Variants in GTPBP10 observed in about 807,000 individuals in gnomAD.
GTPBP10 encodes GTP binding protein 10.
A neutral mutation model predicts 44.8 loss-of-function variants in GTPBP10; 38 were observed. The observed-to-expected ratio is 0.85, with a 90% CI of 0.65 to 1.11. GTPBP10 has a LOEUF of 1.11. Among genes scored for constraint, GTPBP10 ranks in the 50% most tolerant of loss-of-function variants. GTPBP10 has a pLI of 0.00. For missense variants in GTPBP10, 462 were observed against 453.7 expected (o/e 1.02, Z -0.17); for synonymous variants, 152 against 150.6 (o/e 1.01, Z -0.07).
chr7:90,352,831 G>C lies in GTPBP10; in HGVS notation c.49G>C (p.Asp17His). Reference sequence around the variant, plus strand: ...TTTTTTTAAGTATGGAAATTTCATCGATAAGCTAAGACTCTTCACCAGGGG... The same window carrying C: ...TTTTTTTAAGTATGGAAATTTCATCCATAAGCTAAGACTCTTCACCAGGGG... ...VLFRKYGNFI[D>H]KLRLFTRGGS... Residue 17 changes from aspartate to histidine, a missense_variant, in exon 2 of 10, where the codon GAT (aspartate) becomes CAT (histidine). Transcript: ENST00000222511. 1 of 1,585,586 alleles carries C rather than the reference G, an allele frequency of 6.3e-7. No homozygotes were observed. The highest frequency in any genetic ancestry group is 1.2e-5 in the South Asian group (1 of 85,332).
At chr7:90,370,475 T>C (rs1165616858) in intron 4 of GTPBP10, among the ~76,000 whole-genome samples, 1 of 152,014 alleles carries the variant, frequency 6.6e-6, no homozygotes, top group African/African-American at 2.4e-5. Context: ...TTGTCACTTA[T>C]AAGTGGGAGC....
intron 1 of GTPBP10, among the ~76,000 whole-genome samples, chr7:90,347,067 G>A (rs1315083195): frequency 6.6e-6 from 1 of 152,104 alleles, no homozygotes; most frequent in Non-Finnish European, 1.5e-5. Flanking sequence ...TGGCCCAAAT[G>A]TTGTGGTGGT....
intron 4 of GTPBP10, among the ~76,000 whole-genome samples, chr7:90,369,776 G>A (rs551371408): frequency 3.9e-5 from 6 of 152,248 alleles, no homozygotes; most frequent in African/African-American, 1.2e-4. Flanking sequence ...TGTGCTTCCC[G>A]GGTGAAGCAA....
chr7:90,356,405 G>C (rs1030328570), intron 4 of GTPBP10, among the ~76,000 whole-genome samples: 1 of 152,172 alleles, frequency 6.6e-6, no homozygotes, highest in African/African-American at 2.4e-5. Context: ...TTATGGACAA[G>C]ACTGGCAGTC....
At chr7:90,346,905 C>T (rs1387564083) in intron 1 of GTPBP10, 131 bp downstream of exon 1, 16 of 985,610 alleles carry the variant, frequency 1.6e-5, no homozygotes, top group Middle Eastern at 2.1e-4. Context: ...ACTTCTCCGC[C>T]CCTCCTGTAG....
chr7:90,384,602 C>T, intron 9 of GTPBP10, among the ~76,000 whole-genome samples: 1 of 151,234 alleles, frequency 6.6e-6, no homozygotes, highest in Admixed American at 6.6e-5. Context: ...TAACCCCCCC[C>T]ACACACACAA....
In GTPBP10 at chr7:90,389,747, A is replaced by G. The variant is rs1796584823; in HGVS notation, c.*4593A>G. ...TTAATTAAAAGTTAAGCAGTGAAAA[A>G]TAAACATCTTTTTTTCTTAAAGAGA... is the stretch of plus-strand genomic sequence containing the variant. On this transcript the variant is annotated 3_prime_UTR_variant, in exon 10 of 10. Transcript: ENST00000222511. 1.3e-5 allele frequency: 2 copies of G among 152,164 alleles called. No individual in the cohort carries two copies. Among genetic ancestry groups the G allele is most frequent in the South Asian group, 2.1e-4 (1 of 4,824 alleles). The allele number at this position is 152,164 out of a possible 1,614,324, so 9.4% of individuals were successfully genotyped here. A position where few individuals can be genotyped will look rare whatever the true frequency, so the allele number is the denominator to read the frequency against.
rs1309787646 is a variant in GTPBP10 at position 90,382,973 on chromosome 7, A to G, written c.795A>G (p.Lys265=). 3.2e-6 allele frequency: 5 copies of G among 1,577,932 alleles called. No individual in the cohort carries two copies. In the African/African-American group the frequency reaches 6.7e-5, roughly 21 times the overall value. ...ILLTKELELY[K]EELQTKPALL... is the part of the protein sequence containing the mutation. Reference sequence around the variant, plus strand: ...ATTTAAAGGAGTTGGAATTGTACAAAGAGGAACTTCAGACAAAACCTGCAC... The same window carrying G: ...ATTTAAAGGAGTTGGAATTGTACAAGGAGGAACTTCAGACAAAACCTGCAC... Residue 265 remains lysine, a synonymous_variant, in exon 9 of 10, where the codon AAA becomes AAG. Transcript: ENST00000222511.
chr7:90,379,155 T>C (rs1796393954), intron 8 of GTPBP10, among the ~76,000 whole-genome samples: 1 of 152,222 alleles, frequency 6.6e-6, no homozygotes, highest in Admixed American at 6.5e-5. Context: ...GATATACTGA[T>C]TCTTCTCACC....
chr7:90,347,999 G>A lies in GTPBP10; in HGVS notation c.33+1225G>A, dbSNP rs376453772. On this transcript the variant is annotated intron_variant, in intron 1 of 9. Transcript: ENST00000222511. ...TCTTGCTACTTGGGAGGCTGAGGTG[G>A]GAGGATCCCTTAAGGCCAGGAGTTC... Among the ~76,000 whole-genome samples the A allele has an allele frequency of 4.3e-4, 65 of 152,226 alleles. 1 individual carries two copies. Among genetic ancestry groups the A allele is most frequent in the African/African-American group, 1.5e-3 (62 of 41,516 alleles).
In GTPBP10 at chr7:90,385,122, G is replaced by A. The variant is rs773936273; in HGVS notation, c.1132G>A (p.Ala378Thr). The A allele has an allele frequency of 2.0e-5, 32 of 1,609,056 alleles. No individual in the cohort carries two copies. The highest frequency in any genetic ancestry group is 2.6e-5 in the Non-Finnish European group (31 of 1,176,814). ...TTCTACTGAGCCACCATCAAAGCATGCTGTTACTACTTCCAAAATGGATAT... is the reference window on the plus strand; with the variant it reads ...TTCTACTGAGCCACCATCAAAGCATACTGTTACTACTTCCAAAATGGATAT... The part of the protein sequence containing the change: ...MSSTEPPSKH[A>T]VTTSKMDII Residue 378 changes from alanine (A) to threonine (T), a missense_variant, in exon 10 of 10, where the codon GCT becomes ACT. Coordinates refer to ENST00000222511, the MANE Select transcript of GTPBP10 (RefSeq NM_033107.4).
chr7:90,353,082 T>A, intron 2 of GTPBP10, 73 bp downstream of exon 2: 1 of 953,236 alleles, frequency 1.0e-6, no homozygotes, highest in Non-Finnish European at 1.5e-6. Context: ...AGTTACAAAA[T>A]AAAAACTTAA....
At chr7:90,350,188 T>A (rs1055565396) in intron 1 of GTPBP10, among the ~76,000 whole-genome samples, 6 of 152,174 alleles carry the variant, frequency 3.9e-5, no homozygotes, top group African/African-American at 1.4e-4. Context: ...TCTGTCCTTG[T>A]GATAGTTTGG....
chr7:90,377,684 T>G, intron 7 of GTPBP10, 70 bp downstream of exon 7: 2 of 1,058,524 alleles, frequency 1.9e-6, no homozygotes, highest in South Asian at 3.5e-5. Context: ...TTTCTAGAAT[T>G]TTTTTATAAA....
At chr7:90,347,936 T>C (rs1312784515) in intron 1 of GTPBP10, among the ~76,000 whole-genome samples, 1 of 152,178 alleles carries the variant, frequency 6.6e-6, no homozygotes, top group Non-Finnish European at 1.5e-5. Flanking sequence ...GTGAAAAGGA[T>C]ACAGGAAGGA....
intron 7 of GTPBP10, 43 bp from the exon 8 acceptor site, chr7:90,378,091 C>G (rs1417649392): frequency 6.4e-7 from 1 of 1,562,784 alleles, no homozygotes; most frequent in Non-Finnish European, 8.8e-7. Flanking sequence ...TATAGCTATT[C>G]TTCGTATGTT....
intron 7 of GTPBP10, 150 bp from the exon 8 acceptor site, chr7:90,377,984 G>C: frequency 9.2e-7 from 1 of 1,083,248 alleles, no homozygotes; most frequent in Non-Finnish European, 1.3e-6. Flanking sequence ...TTAACACCTC[G>C]ATTTCTGTTA....
At chr7:90,379,760 G>A (rs908458595) in intron 8 of GTPBP10, among the ~76,000 whole-genome samples, 3 of 152,196 alleles carry the variant, frequency 2.0e-5, no homozygotes, top group Non-Finnish European at 2.9e-5. Context: ...TGAATTGGTA[G>A]CACCATTGTG....
chr7:90,379,196 T>G (rs1313475975), intron 8 of GTPBP10, among the ~76,000 whole-genome samples: 25 of 152,216 alleles, frequency 1.6e-4, no homozygotes, highest in Admixed American at 1.5e-3. Context: ...TTTTTTATCC[T>G]AAATCTCTCT....
Sources: gnomAD v4.1 joint callset for allele counts (sites outside exome capture counted in the v4.1 genomes callset) on GRCh38, gnomAD v4.1.1 for gene constraint, MANE v1.5 for transcripts, NCBI Gene and HGNC (gene_info 2026-07-23, HGNC 2026-07-21) for gene names.